Variants in YES1 observed in about 807,000 individuals in gnomAD.
YES1 encodes the protein tyrosine-protein kinase Yes.
A neutral mutation model predicts 70.4 loss-of-function variants in YES1; 39 were observed. That is an observed-to-expected ratio of 0.55 (90% CI 0.43 to 0.72). YES1 has a LOEUF of 0.72. Ranked by LOEUF, YES1 falls within the 30% of genes least tolerant of loss-of-function variation. The pLI is 0.00. For missense variants in YES1, 495 were observed against 644.8 expected (o/e 0.77, Z 2.52); for synonymous variants, 198 against 218.6 (o/e 0.91, Z 0.83).
chr18:758,700 T>G (rs1052230528), intron 1 of YES1, among the ~76,000 whole-genome samples: 3 of 152,204 alleles, frequency 2.0e-5, no homozygotes, highest in Non-Finnish European at 4.4e-5. Flanking sequence ...GGAGATTTTC[T>G]TATGAGGCTC....
intron 1 of YES1, among the ~76,000 whole-genome samples, chr18:762,135 A>G (rs909067744): frequency 3.9e-5 from 6 of 152,122 alleles, no homozygotes; most frequent in African/African-American, 1.4e-4. Context: ...AGCCTGACCA[A>G]TGTGGAGAAA....
chr18:778,047 C>G (rs1302702351), intron 1 of YES1, among the ~76,000 whole-genome samples: 1 of 152,110 alleles, frequency 6.6e-6, no homozygotes, highest in Non-Finnish European at 1.5e-5. Context: ...CTTCAAAGCT[C>G]TTTGTTATTA....
intron 1 of YES1, among the ~76,000 whole-genome samples, chr18:799,081 T>C (rs1906687075): frequency 6.6e-6 from 1 of 152,200 alleles, no homozygotes; most frequent in South Asian, 2.1e-4. Context: ...GACTAACCAG[T>C]TTGCTTTATA....
At chr18:744,516 A>G (rs2080255080) in intron 6 of YES1, among the ~76,000 whole-genome samples, 1 of 151,486 alleles carries the variant, frequency 6.6e-6, no homozygotes, top group Non-Finnish European at 1.5e-5. Context: ...CAGCCTCCCA[A>G]GTAGCTGAGC....
At chr18:781,269 C>CAA (rs1167805094) in intron 1 of YES1, among the ~76,000 whole-genome samples, 7 of 101,388 alleles carry the variant, frequency 6.9e-5, no homozygotes, top group Non-Finnish European at 8.2e-5. Flanking sequence ...AACTCTGTCT[C>CAA]AAAAAAAAAA....
intron 8 of YES1, 61 bp from the exon 9 acceptor site, chr18:739,872 A>G: frequency 2.4e-6 from 3 of 1,270,730 alleles, no homozygotes; most frequent in Non-Finnish European, 3.3e-6. Flanking sequence ...GATTGAAATG[A>G]ATACTCCTCC....
Position 759,765 on chromosome 18 carries a change from C to T in YES1, c.-8-2930G>A, listed in dbSNP as rs190914191. On this transcript the variant is annotated intron_variant, in intron 1 of 11. Coordinates refer to ENST00000314574, the MANE Select transcript of YES1 (RefSeq NM_005433.4). ...TTGTAGGGTACATGTGCACAACGTG[C>T]AGGTTACATATGTATACATGTGCCA... Among the ~76,000 whole-genome samples the T allele has an allele frequency of 8.6e-5, 13 of 152,016 alleles. No individual in the cohort carries two copies. In the East Asian group the frequency reaches 2.5e-3, roughly 29 times the overall value.
At position 776,547 on chromosome 18, in the gene YES1, T is replaced by G. The variant is rs1905394383; in HGVS notation, c.-8-19712A>C. 2.6e-5 allele frequency among the ~76,000 whole-genome samples: 4 copies of G among 152,222 alleles called. No homozygotes were observed. In the South Asian group the frequency reaches 8.3e-4, roughly 32 times the overall value. On this transcript the variant is annotated intron_variant, in intron 1 of 11. Transcript: ENST00000314574. ...GTTGTCTGTCCTTTTCTTATTGACT[T>G]GTAAGGCATTCTTTAATTTTCTGTG... is the stretch of plus-strand genomic sequence containing the variant.
chr18:785,866 A>G (rs1236051307), intron 1 of YES1, among the ~76,000 whole-genome samples: 1 of 151,826 alleles, frequency 6.6e-6, no homozygotes, highest in Admixed American at 6.6e-5. Context: ...TGAGGCCAGG[A>G]GTTCAAGGCT....
chr18:799,952 A>C (rs1449120524), intron 1 of YES1, among the ~76,000 whole-genome samples: 1 of 152,190 alleles, frequency 6.6e-6, no homozygotes, highest in Admixed American at 6.5e-5. Context: ...ATATTTATGG[A>C]ATATGATATA....
chr18:758,052 C>T (rs1172318375), intron 1 of YES1, among the ~76,000 whole-genome samples: 1 of 151,992 alleles, frequency 6.6e-6, no homozygotes, highest in African/African-American at 2.4e-5. Context: ...TAATCTAAGT[C>T]ACAAATGTGA....
chr18:794,795 T>C (rs1906453745), intron 1 of YES1, among the ~76,000 whole-genome samples: 1 of 152,142 alleles, frequency 6.6e-6, no homozygotes, highest in South Asian at 2.1e-4. Context: ...GTGTCTGTCT[T>C]CACATGTGGG....
chr18:762,185 T>A (rs562408403), intron 1 of YES1, among the ~76,000 whole-genome samples: 12 of 152,346 alleles, frequency 7.9e-5, no homozygotes, highest in African/African-American at 2.4e-4. Context: ...CTGGGCGTGG[T>A]GGCCCATGCC....
chr18:746,146 G>A (rs2145715504), intron 4 of YES1, 95 bp from the exon 5 acceptor site: 7 of 830,014 alleles, frequency 8.4e-6, no homozygotes, highest in Non-Finnish European at 5.8e-6. Flanking sequence ...AGGTTTGGAC[G>A]ACAAAGAATA....
intron 1 of YES1, among the ~76,000 whole-genome samples, chr18:762,449 C>T (rs1904641794): frequency 6.6e-6 from 1 of 151,982 alleles, no homozygotes; most frequent in Non-Finnish European, 1.5e-5. Context: ...CACAATTTAC[C>T]CATGTAACAA....
At chr18:803,901 G>A (rs1004120028) in intron 1 of YES1, among the ~76,000 whole-genome samples, 2 of 152,160 alleles carry the variant, frequency 1.3e-5, no homozygotes, top group Non-Finnish European at 2.9e-5. Context: ...GCTTTTATAA[G>A]ACTCCAACGG....
intron 1 of YES1, among the ~76,000 whole-genome samples, chr18:776,663 A>G (rs1209767533): frequency 2.0e-5 from 3 of 152,176 alleles, no homozygotes; most frequent in Non-Finnish European, 4.4e-5. Context: ...TATTTTTTAC[A>G]TGAATGAATG....
chr18:748,593 T>C (rs1418840664), intron 3 of YES1, among the ~76,000 whole-genome samples: 1 of 152,214 alleles, frequency 6.6e-6, no homozygotes. Flanking sequence ...TCTGTCTCTA[T>C]GGATATGCCC....
At chr18:725,260 A>G (rs954253571) in intron 11 of YES1, among the ~76,000 whole-genome samples, 5 of 151,690 alleles carry the variant, frequency 3.3e-5, no homozygotes, top group Non-Finnish European at 7.4e-5. Context: ...ATTCTTCCTG[A>G]TAGTGTCTCA....
Sources: allele counts gnomAD v4.1 joint callset (sites outside exome capture counted in the v4.1 genomes callset), GRCh38; gene constraint gnomAD v4.1.1; transcripts MANE v1.5; gene names NCBI Gene and HGNC (gene_info 2026-07-23, HGNC 2026-07-21).